The following AKAP3 variants were observed in gnomAD, a reference collection of about 807,000 sequenced individuals.
AKAP3 encodes A-kinase anchor protein 3.
AKAP3 carries 27 observed loss-of-function variants against 57.2 expected under a neutral mutation model. That is an observed-to-expected ratio of 0.47 (90% confidence interval 0.35 to 0.65). AKAP3 has a LOEUF of 0.65. Ranked by LOEUF, AKAP3 falls within the 30% of genes least tolerant of loss-of-function variation. The pLI, the probability that AKAP3 is intolerant of heterozygous loss-of-function variation, is 0.01. For synonymous variants in AKAP3, 334 were observed against 392.3 expected (o/e 0.85, Z 1.76); for missense variants, 959 against 1,040.0 (o/e 0.92, Z 1.07).
chr12:4,626,380 C>T, intron 5 of AKAP3, 116 bp downstream of exon 5: 2 of 1,264,076 alleles, frequency 1.6e-6, no homozygotes, highest in Non-Finnish European at 2.2e-6. Flanking sequence ...CTTCAAATCC[C>T]ACTGTTCCCA....
At position 4,627,928 on chromosome 12, in the gene AKAP3, T is replaced by C; in HGVS notation, c.974A>G (p.His325Arg). The C allele has an allele frequency of 6.2e-7, 1 of 1,614,166 alleles. No individual in the cohort carries two copies. Among genetic ancestry groups the C allele is most frequent in the Non-Finnish European group, 8.5e-7 (1 of 1,180,018 alleles). ...GAGATCCGAGACCACCTCTTTTGCATGCTTGAGCAGAACCTTCTTCAGTAG... is the reference window on the plus strand; with the variant it reads ...GAGATCCGAGACCACCTCTTTTGCACGCTTGAGCAGAACCTTCTTCAGTAG... ...TILLKKVLLKHAKEVVSDLID... is the reference protein window; with the variant it reads ...TILLKKVLLKRAKEVVSDLID... The change falls in exon 5 of 6, where the codon CAT becomes CGT. Residue 325 changes from histidine (H) to arginine (R), a missense_variant. By Grantham distance (29) the His-to-Arg change is conservative (BLOSUM62 0). Transcript: ENST00000228850.
intron 4 of AKAP3, among the ~76,000 whole-genome samples, chr12:4,636,850 A>C (rs1945572464): frequency 6.6e-6 from 1 of 152,184 alleles, no homozygotes; most frequent in South Asian, 2.1e-4. Context: ...CCTGGGCTCA[A>C]GTGATTCTCC....
chr12:4,648,436 T>G (rs1481485093), intron 1 of AKAP3: 1 of 152,218 alleles, frequency 6.6e-6, no homozygotes, highest in Non-Finnish European at 1.5e-5. Flanking sequence ...AACCAAAAAT[T>G]GGTGGAATAA....
chr12:4,622,125 G>A lies in AKAP3; in HGVS notation c.2406+4371C>T, dbSNP rs1001815700. On this transcript the variant is annotated intron_variant, in intron 5 of 5. Coordinates refer to ENST00000228850, the MANE Select transcript of AKAP3 (RefSeq NM_001278309.2). Reference sequence around the variant, plus strand: ...TTACAAAACACTGCTCGAAGAAATCGGAAATGACACAAACAAATGGAAAAA... The same window carrying A: ...TTACAAAACACTGCTCGAAGAAATCAGAAATGACACAAACAAATGGAAAAA... Among the ~76,000 whole-genome samples the A allele has an allele frequency of 5.3e-5, 8 of 151,946 alleles. No individual in the cohort carries two copies. The East Asian group carries it at 5.8e-4, about 11-fold the overall frequency.
chr12:4,615,872 G>A lies in AKAP3; in HGVS notation c.2429C>T (p.Ala810Val). 6.2e-7 allele frequency: 1 copy of A among 1,614,224 alleles called. No homozygotes were observed. The highest frequency in any genetic ancestry group is 8.5e-7 in the Non-Finnish European group (1 of 1,180,014). ...QEKLLQLSAA[A>V]VDKGCSVGEV... ...GCCCACACTGCATCCTTTGTCCACA[G>A]CAGCAGCTGAGAGCTGAAGTAGCTG... Residue 810 changes from alanine (A) to valine (V), a missense_variant, in exon 6 of 6, where the codon GCT (alanine) becomes GTT (valine). By Grantham distance (64) the Ala-to-Val change is moderately conservative. Transcript: ENST00000228850.
At chr12:4,624,762 G>A (rs185997580) in intron 5 of AKAP3, among the ~76,000 whole-genome samples, 1 of 101,676 alleles carries the variant, frequency 9.8e-6, no homozygotes, top group African/African-American at 3.1e-5. Context: ...TACTCTTAGA[G>A]GGAGTCAATA....
At position 4,615,627 on chromosome 12, in the gene AKAP3, T is replaced by C. The variant is rs1435661231; in HGVS notation, c.*112A>G. 7.5e-7 allele frequency: 1 copy of C among 1,333,868 alleles called. No homozygotes were observed. Among genetic ancestry groups the C allele is most frequent in the African/African-American group, 1.5e-5 (1 of 68,286 alleles). The allele number at this position is 1,333,868 out of a possible 1,614,324, so 82.6% of individuals were successfully genotyped here. A position where few individuals can be genotyped will look rare whatever the true frequency, so the allele number is the denominator to read the frequency against. ...GTCTTTGATGAGAGTGGTGTGAAGA[T>C]AATGTTAGGGCTCTGTGAGGATATA... On this transcript the variant is annotated 3_prime_UTR_variant, in exon 6 of 6. Transcript: ENST00000228850.
chr12:4,647,615 C>T (rs1565562014), intron 1 of AKAP3, among the ~76,000 whole-genome samples: 1 of 152,006 alleles, frequency 6.6e-6, no homozygotes, highest in Non-Finnish European at 1.5e-5. Context: ...ATATAATTGG[C>T]AGTGTTATAC....
intron 5 of AKAP3, among the ~76,000 whole-genome samples, chr12:4,619,676 G>A (rs1022125561): frequency 5.9e-5 from 9 of 152,174 alleles, no homozygotes; most frequent in Non-Finnish European, 1.2e-4. Flanking sequence ...ATCTGCCCAA[G>A]AGAAATGAAA....
intron 3 of AKAP3, among the ~76,000 whole-genome samples, chr12:4,639,814 CTTTTT>C (rs34820221): frequency 3.6e-5 from 4 of 111,130 alleles, no homozygotes; most frequent in Admixed American, 1.0e-4. Flanking sequence ...ATTTTCTTGT[CTTTTT>C]TTTTTTTTTT....
intron 4 of AKAP3, among the ~76,000 whole-genome samples, chr12:4,629,015 C>T (rs917566): frequency 0.74 from 113,306 of 152,102 alleles, 43,065 homozygotes; most frequent in Middle Eastern, 0.83. Flanking sequence ...ATTTCTCATA[C>T]TAAACCTGAG....
chr12:4,624,809 G>GGTGT (rs1555126704), intron 5 of AKAP3, among the ~76,000 whole-genome samples: 12 of 87,828 alleles, frequency 1.4e-4, no homozygotes, highest in Non-Finnish European at 2.2e-4. Context: ...AGTAGACAAA[G>GGTGT]GTGTGTGTGT....
chr12:4,645,402 C>A (rs1042376975), intron 1 of AKAP3: 1 of 152,166 alleles, frequency 6.6e-6, no homozygotes. Context: ...ACACCAGGGA[C>A]CAGTTTTGTG....
intron 4 of AKAP3, among the ~76,000 whole-genome samples, chr12:4,631,622 C>T (rs76191611): frequency 2.0e-5 from 3 of 151,850 alleles, no homozygotes; most frequent in Admixed American, 6.6e-5. Flanking sequence ...CAAACACACA[C>T]GTAAATTACA....
chr12:4,646,646 T>C (rs1945702551), intron 1 of AKAP3, among the ~76,000 whole-genome samples: 2 of 151,772 alleles, frequency 1.3e-5, no homozygotes, highest in African/African-American at 4.8e-5. Context: ...CACTCCAGCC[T>C]GGGTGACAGA....
chr12:4,633,744 A>ATTTTTTTTTTTTTTTTTTTTTTT, intron 4 of AKAP3, among the ~76,000 whole-genome samples: 1 of 149,360 alleles, frequency 6.7e-6, no homozygotes, highest in South Asian at 2.3e-4. Flanking sequence ...TTGCTTCAGT[A>ATTTTTTTTTTTTTTTTTTTTTTT]GTTTTAAGTC....
At chr12:4,648,413 G>C (rs905305051) in intron 1 of AKAP3, 4 of 152,234 alleles carry the variant, frequency 2.6e-5, no homozygotes, top group African/African-American at 9.6e-5. Flanking sequence ...AAGTGCTTTG[G>C]TATATAAACT....
chr12:4,635,383 C>A, intron 4 of AKAP3: 1 of 657,588 alleles, frequency 1.5e-6, no homozygotes, highest in South Asian at 1.7e-5. Flanking sequence ...TGTGTGGGTT[C>A]AGTAAGGGCT....
chr12:4,634,680 A>C (rs780284701), intron 4 of AKAP3, among the ~76,000 whole-genome samples: 1 of 151,802 alleles, frequency 6.6e-6, no homozygotes, highest in Non-Finnish European at 1.5e-5. Flanking sequence ...TGCATTTATT[A>C]GTTCTCAAAT....
Sources: allele counts gnomAD v4.1 joint callset (sites outside exome capture counted in the v4.1 genomes callset), GRCh38; gene constraint gnomAD v4.1.1; transcripts MANE v1.5; gene names NCBI Gene and HGNC (gene_info 2026-07-23, HGNC 2026-07-21).